SGSM1: variants seen among roughly 807,000 people sequenced by gnomAD.
SGSM1 encodes the protein small G protein signaling modulator 1.
SGSM1 carries 73 observed loss-of-function variants against 133.8 expected under a neutral mutation model. The ratio of observed to expected loss-of-function variants is 0.55; its 90% CI spans 0.45 to 0.66. The LOEUF (loss-of-function observed/expected upper bound fraction) is 0.66. Ranked by LOEUF, SGSM1 falls within the 30% of genes least tolerant of loss-of-function variation. SGSM1 has a pLI of 0.00. For missense variants in SGSM1, 1,213 were observed against 1,448.1 expected, an observed-to-expected ratio of 0.84 and a Z score of 2.64; for synonymous variants, 563 against 573.0, an observed-to-expected ratio of 0.98 and a Z score of 0.25.
rs1446029477 is a variant in SGSM1, at chr22:24,924,488, T to TG, written c.*215dup. 2 of 549,188 alleles carry TG rather than the reference T, an allele frequency of 3.6e-6. No individual in the cohort carries two copies. Among genetic ancestry groups the TG allele is most frequent in the East Asian group, 3.0e-5 (1 of 33,400 alleles). The allele number at this position is 549,188 out of a possible 1,614,324, so 34.0% of individuals were successfully genotyped here. On this transcript the variant is annotated 3_prime_UTR_variant, in exon 25 of 25. Coordinates refer to ENST00000400358, the MANE Select transcript of SGSM1 (RefSeq NM_001098497.3). ...CAATTCAGCCTTACATTTTCCTGTT[T>TG]GACCAAAGATTGCCCAAGTCTGGCG...
intron 18 of SGSM1, among the ~76,000 whole-genome samples, chr22:24,897,572 A>G (rs1040786036): frequency 1.3e-5 from 2 of 152,100 alleles, no homozygotes; most frequent in East Asian, 3.9e-4. Context: ...GGCTTGGGTG[A>G]TTCTCCCACC....
intron 2 of SGSM1, among the ~76,000 whole-genome samples, chr22:24,817,630 C>T (rs945102291): frequency 1.3e-4 from 20 of 152,106 alleles, no homozygotes; most frequent in African/African-American, 4.8e-4. Context: ...GGATTACAGG[C>T]GTGAGCCACC....
intron 2 of SGSM1, among the ~76,000 whole-genome samples, chr22:24,812,299 C>T (rs1337057375): frequency 1.3e-5 from 2 of 152,182 alleles, no homozygotes; most frequent in African/African-American, 4.8e-5. Flanking sequence ...CCCTTCACTC[C>T]TCATAAAAGC....
At chr22:24,882,960 C>T (rs1365484477) in intron 14 of SGSM1, among the ~76,000 whole-genome samples, 3 of 150,998 alleles carry the variant, frequency 2.0e-5, no homozygotes, top group East Asian at 2.0e-4. Context: ...TGCAGTGGCG[C>T]GATCTCAGCT....
intron 2 of SGSM1, among the ~76,000 whole-genome samples, chr22:24,829,322 G>A (rs1251593237): frequency 1.3e-5 from 2 of 152,090 alleles, no homozygotes; most frequent in African/African-American, 2.4e-5. Context: ...ATAAATGAGA[G>A]CTAAATGATG....
intron 15 of SGSM1, among the ~76,000 whole-genome samples, chr22:24,885,512 C>T (rs1932547207): frequency 6.8e-6 from 1 of 147,382 alleles, no homozygotes; most frequent in South Asian, 2.2e-4. Flanking sequence ...AATCTCGGCT[C>T]ACTGCAAGCT....
At chr22:24,908,740 T>TG (rs1255591769) in intron 21 of SGSM1, among the ~76,000 whole-genome samples, 1 of 150,536 alleles carries the variant, frequency 6.6e-6, no homozygotes, top group Non-Finnish European at 1.5e-5. Flanking sequence ...AGGCAGAGCT[T>TG]GCAGTGAGCC....
chr22:24,913,147 G>T lies in SGSM1; in HGVS notation c.2928+395G>T, dbSNP rs533651101. Among the ~76,000 whole-genome samples, 4 of 152,038 alleles carry T rather than the reference G, an allele frequency of 2.6e-5. No homozygotes were observed. The East Asian group carries it at 7.7e-4, about 29-fold the overall frequency. ...TCTACTAAAAATACAAAAAAAATTA[G>T]CAGGGCATGGAGGCAGGTGCCTGTA... On this transcript the variant is annotated intron_variant, in intron 22 of 24. Transcript: ENST00000400358.
At chr22:24,897,940 G>A (rs1484366120) in intron 18 of SGSM1, 32 bp from the exon 19 acceptor site, 6 of 1,540,542 alleles carry the variant, frequency 3.9e-6, no homozygotes, top group Non-Finnish European at 3.5e-6. Context: ...TCGACATGCC[G>A]GTCCATCTGT....
intron 2 of SGSM1, among the ~76,000 whole-genome samples, chr22:24,815,744 A>G (rs1305718591): frequency 1.3e-5 from 2 of 152,174 alleles, no homozygotes; most frequent in Non-Finnish European, 2.9e-5. Flanking sequence ...CTCAAAAAAC[A>G]AACAAACTGG....
intron 2 of SGSM1, among the ~76,000 whole-genome samples, chr22:24,838,929 C>CCA (rs34381201): frequency 6.8e-6 from 1 of 147,012 alleles, no homozygotes; most frequent in Non-Finnish European, 1.5e-5. Flanking sequence ...TATGTTTCTG[C>CCA]AAAAAAAAAA....
At chr22:24,817,351 C>CTTTTTTTT (rs61046307) in intron 2 of SGSM1, among the ~76,000 whole-genome samples, 1 of 149,222 alleles carries the variant, frequency 6.7e-6, no homozygotes. Context: ...AGATCCTCAG[C>CTTTTTTTT]TTTTTTTTTC....
intron 21 of SGSM1, among the ~76,000 whole-genome samples, chr22:24,911,481 C>G (rs1933620979): frequency 6.6e-6 from 1 of 151,990 alleles, no homozygotes; most frequent in African/African-American, 2.4e-5. Flanking sequence ...TAGACACGGA[C>G]TGCACATAGT....
In SGSM1 at chr22:24,810,444, C is replaced by T. The variant is rs141512280; in HGVS notation, c.63+3960C>T. ...TTAAATCTGACCAGCTCTATCTTGGCTCCTTCCTGGCTTCCTTTACCCTCC... is the reference window on the plus strand; with the variant it reads ...TTAAATCTGACCAGCTCTATCTTGGTTCCTTCCTGGCTTCCTTTACCCTCC... On this transcript the variant is annotated intron_variant, in intron 2 of 24. Coordinates refer to ENST00000400358, the MANE Select transcript of SGSM1 (RefSeq NM_001098497.3). Among the ~76,000 whole-genome samples, 3 of 152,006 alleles carry T rather than the reference C, an allele frequency of 2.0e-5. No homozygotes were observed. The East Asian group carries it at 5.8e-4, about 29-fold the overall frequency.
chr22:24,876,867 G>T (rs905226123), intron 13 of SGSM1, among the ~76,000 whole-genome samples, 152 bp downstream of exon 13: 8 of 152,212 alleles, frequency 5.3e-5, no homozygotes, highest in Non-Finnish European at 1.0e-4. Context: ...AATCCTAGCT[G>T]TTAGAGGTTA....
At chr22:24,860,142 A>T (rs1217312957) in intron 9 of SGSM1, among the ~76,000 whole-genome samples, 1 of 152,220 alleles carries the variant, frequency 6.6e-6, no homozygotes. Flanking sequence ...GCAAATGGCA[A>T]ATATTCTTCA....
chr22:24,863,956 G>A (rs968621285), intron 9 of SGSM1, among the ~76,000 whole-genome samples: 2 of 150,966 alleles, frequency 1.3e-5, no homozygotes, highest in Non-Finnish European at 2.9e-5. Flanking sequence ...GGTCAAGCTG[G>A]TCTCAAACTC....
chr22:24,841,497 G>A (rs900713162), intron 2 of SGSM1, among the ~76,000 whole-genome samples: 2 of 152,210 alleles, frequency 1.3e-5, no homozygotes, highest in Non-Finnish European at 2.9e-5. Flanking sequence ...TGTAGCTCAA[G>A]GCCTCTGTTT....
intron 12 of SGSM1, among the ~76,000 whole-genome samples, chr22:24,875,939 C>G (rs1174606174): frequency 6.6e-6 from 1 of 152,170 alleles, no homozygotes; most frequent in Non-Finnish European, 1.5e-5. Context: ...TTTAGAAATA[C>G]AGATTTGAGA....
Sources: allele counts gnomAD v4.1 joint callset (sites outside exome capture counted in the v4.1 genomes callset), GRCh38; gene constraint gnomAD v4.1.1; transcripts MANE v1.5; gene names NCBI Gene and HGNC (gene_info 2026-07-23, HGNC 2026-07-21).